BRINP1: variants seen among roughly 807,000 people sequenced by gnomAD.
The protein encoded by BRINP1 is BMP/retinoic acid-inducible neural-specific protein 1.
Under a neutral mutation model 72.9 loss-of-function variants are expected in BRINP1, and 17 were observed. That is an observed-to-expected ratio of 0.23 (90% CI 0.16 to 0.35). The LOEUF (loss-of-function observed/expected upper bound fraction) is 0.35, where lower values mean the gene tolerates loss of function less well. Among genes scored for constraint, BRINP1 ranks in the 10% least tolerant of loss-of-function variants. The pLI, the probability that BRINP1 is intolerant of heterozygous loss-of-function variation, is 1.00. For synonymous variants in BRINP1, 418 were observed against 378.5 expected (o/e 1.10, Z -1.21); for missense variants, 850 against 1,001.6 (o/e 0.85, Z 2.04).
chr9:119,186,619 C>T (rs1829623515), intron 7 of BRINP1, among the ~76,000 whole-genome samples: 1 of 152,172 alleles, frequency 6.6e-6, no homozygotes, highest in African/African-American at 2.4e-5. Flanking sequence ...CACACAGCAC[C>T]TGACCCCCAG....
chr9:119,313,370 C>T lies in BRINP1; in HGVS notation c.-15G>A, dbSNP rs771123348. ...CTCCAGTTCATGCTTTTCTGCCGGC[C>T]TTTTTCCTCTCATTCTTGCTCCATT... On this transcript the variant is annotated 5_prime_UTR_variant, in exon 2 of 8. Coordinates refer to ENST00000265922, the MANE Select transcript of BRINP1 (RefSeq NM_014618.3). 1 of 1,612,758 alleles carries T rather than the reference C, an allele frequency of 6.2e-7. No homozygotes were observed. Among genetic ancestry groups the T allele is most frequent in the South Asian group, 1.1e-5 (1 of 91,002 alleles).
chr9:119,173,505 A>T (rs1309981371), intron 7 of BRINP1, among the ~76,000 whole-genome samples: 1 of 152,142 alleles, frequency 6.6e-6, no homozygotes, highest in Non-Finnish European at 1.5e-5. Context: ...ATGGAAGAAC[A>T]TTCCATGCTC....
At chr9:119,347,319 A>C (rs1190530861) in intron 1 of BRINP1, among the ~76,000 whole-genome samples, 3 of 152,242 alleles carry the variant, frequency 2.0e-5, no homozygotes, top group East Asian at 1.9e-4. Context: ...CCTTTGGCTC[A>C]AGCTATGGGG....
At chr9:119,197,016 C>T (rs765396118) in intron 7 of BRINP1, among the ~76,000 whole-genome samples, 9 of 152,194 alleles carry the variant, frequency 5.9e-5, no homozygotes, top group East Asian at 1.9e-4. Flanking sequence ...GCACTTTACC[C>T]GTCACTGAGG....
At chr9:119,271,629 A>G (rs112678563) in intron 2 of BRINP1, among the ~76,000 whole-genome samples, 1 of 152,122 alleles carries the variant, frequency 6.6e-6, no homozygotes, top group African/African-American at 2.4e-5. Context: ...TGTCTACAAC[A>G]TATTTTTCAT....
chr9:119,335,969 T>C (rs1831341731), intron 1 of BRINP1, among the ~76,000 whole-genome samples: 1 of 152,202 alleles, frequency 6.6e-6, no homozygotes, highest in Non-Finnish European at 1.5e-5. Context: ...TGTTCTTCTT[T>C]TGAATGCCAC....
chr9:119,257,792 C>A (rs1830459882), intron 2 of BRINP1, among the ~76,000 whole-genome samples: 1 of 152,134 alleles, frequency 6.6e-6, no homozygotes, highest in Non-Finnish European at 1.5e-5. Context: ...GATCCTCAGC[C>A]AGCTCAGAGA....
intron 2 of BRINP1, among the ~76,000 whole-genome samples, chr9:119,255,393 G>T (rs1173287851): frequency 6.6e-6 from 1 of 152,176 alleles, no homozygotes; most frequent in Non-Finnish European, 1.5e-5. Flanking sequence ...TGCAGCAAGG[G>T]CCATCCCACT....
At chr9:119,253,268 AC>A (rs1830411957) in intron 2 of BRINP1, among the ~76,000 whole-genome samples, 1 of 152,218 alleles carries the variant, frequency 6.6e-6, no homozygotes, top group Admixed American at 6.5e-5. Context: ...CTAGGCATAT[AC>A]CCAAAAGAAT....
intron 5 of BRINP1, among the ~76,000 whole-genome samples, chr9:119,233,783 C>T (rs1251775316): frequency 6.6e-6 from 1 of 152,288 alleles, no homozygotes; most frequent in East Asian, 1.9e-4. Context: ...TGTCTCTCAC[C>T]CCTTCAGCCA....
chr9:119,337,973 C>T (rs1449152518), intron 1 of BRINP1, among the ~76,000 whole-genome samples: 1 of 152,212 alleles, frequency 6.6e-6, no homozygotes, highest in Non-Finnish European at 1.5e-5. Flanking sequence ...CTCCATATCT[C>T]CCCCTGAACT....
At chr9:119,197,532 G>A (rs1829751954) in intron 7 of BRINP1, among the ~76,000 whole-genome samples, 1 of 152,162 alleles carries the variant, frequency 6.6e-6, no homozygotes, top group African/African-American at 2.4e-5. Flanking sequence ...TGAGCAAGTT[G>A]TTCCACTAAG....
At chr9:119,328,905 A>G (rs1831266701) in intron 1 of BRINP1, among the ~76,000 whole-genome samples, 1 of 152,184 alleles carries the variant, frequency 6.6e-6, no homozygotes, top group South Asian at 2.1e-4. Flanking sequence ...CCCAAGAGAA[A>G]GTTTTCCAGG....
At chr9:119,334,943 C>T (rs866727359) in intron 1 of BRINP1, among the ~76,000 whole-genome samples, 5 of 152,006 alleles carry the variant, frequency 3.3e-5, no homozygotes, top group East Asian at 1.9e-4. Flanking sequence ...GTTGGCTGAG[C>T]GCCACTGACT....
At chr9:119,298,854 C>G (rs563098466) in intron 2 of BRINP1, among the ~76,000 whole-genome samples, 1 of 152,286 alleles carries the variant, frequency 6.6e-6, no homozygotes, top group South Asian at 2.1e-4. Flanking sequence ...CTATTACCTG[C>G]TTTCTTTTGT....
intron 7 of BRINP1, among the ~76,000 whole-genome samples, chr9:119,198,678 T>G (rs1180204482): frequency 6.6e-6 from 1 of 151,844 alleles, no homozygotes. Context: ...ATTAATTTTT[T>G]TTTTTTTTTT....
intron 5 of BRINP1, among the ~76,000 whole-genome samples, chr9:119,231,669 T>C (rs1160893631): frequency 6.6e-6 from 1 of 152,120 alleles, no homozygotes; most frequent in East Asian, 1.9e-4. Flanking sequence ...ACTTTAATTA[T>C]ACTATTAGCA....
At chr9:119,338,814 G>C (rs532983983) in intron 1 of BRINP1, among the ~76,000 whole-genome samples, 4 of 151,058 alleles carry the variant, frequency 2.6e-5, no homozygotes, top group Middle Eastern at 6.9e-3. Flanking sequence ...GAACCCAGGA[G>C]GCGGAGCTTG....
At chr9:119,186,316 T>C (rs1829620154) in intron 7 of BRINP1, among the ~76,000 whole-genome samples, 1 of 152,170 alleles carries the variant, frequency 6.6e-6, no homozygotes, top group South Asian at 2.1e-4. Context: ...CCAGGTACTC[T>C]GGCCCAGGAG....
Sources: allele counts gnomAD v4.1 joint callset (sites outside exome capture counted in the v4.1 genomes callset), GRCh38; gene constraint gnomAD v4.1.1; transcripts MANE v1.5; gene names NCBI Gene and HGNC (gene_info 2026-07-23, HGNC 2026-07-21).